DCLK1: variants seen among roughly 807,000 people sequenced by gnomAD.
DCLK1 encodes serine/threonine-protein kinase DCLK1.
DCLK1 carries 16 observed loss-of-function variants against 86.2 expected under a neutral mutation model. The observed-to-expected ratio is 0.19, with a 90% CI of 0.13 to 0.28. The LOEUF (loss-of-function observed/expected upper bound fraction) is 0.28, where lower values mean the gene tolerates loss of function less well. Ranked by LOEUF, DCLK1 falls within the 10% of genes least tolerant of loss-of-function variation. The pLI is 1.00. For synonymous variants in DCLK1, 369 were observed against 370.5 expected (o/e 1.00, Z 0.05); for missense variants, 590 against 940.2 (o/e 0.63, Z 4.87).
At chr13:35,783,822 G>A (rs1259725821) in intron 16 of DCLK1, among the ~76,000 whole-genome samples, 1 of 152,114 alleles carries the variant, frequency 6.6e-6, no homozygotes, top group African/African-American at 2.4e-5. Flanking sequence ...CTGACCTTAG[G>A]TGATCCACCC....
chr13:36,096,775 T>C (rs901645989), intron 3 of DCLK1, among the ~76,000 whole-genome samples: 3 of 152,070 alleles, frequency 2.0e-5, no homozygotes, highest in Non-Finnish European at 4.4e-5. Flanking sequence ...AAAGCAAATG[T>C]CACCAAATGG....
At chr13:36,072,640 T>G (rs1884020833) in intron 3 of DCLK1, among the ~76,000 whole-genome samples, 1 of 152,136 alleles carries the variant, frequency 6.6e-6, no homozygotes, top group South Asian at 2.1e-4. Context: ...ACCCCCAGCC[T>G]CTAGAAAATC....
intron 3 of DCLK1, among the ~76,000 whole-genome samples, chr13:36,111,627 T>C (rs1327638323): frequency 1.3e-5 from 2 of 152,196 alleles, no homozygotes; most frequent in East Asian, 3.8e-4. Flanking sequence ...AATGAACAAG[T>C]AGAAATCACT....
At chr13:36,078,330 T>C (rs1252687902) in intron 3 of DCLK1, among the ~76,000 whole-genome samples, 1 of 152,142 alleles carries the variant, frequency 6.6e-6, no homozygotes, top group Non-Finnish European at 1.5e-5. Context: ...ACTAAGACAA[T>C]AAGCATACCA....
At chr13:36,000,937 G>A (rs563360834) in intron 3 of DCLK1, among the ~76,000 whole-genome samples, 1 of 149,464 alleles carries the variant, frequency 6.7e-6, no homozygotes, top group East Asian at 2.0e-4. Flanking sequence ...TATAAAAGTT[G>A]TATGCATAAC....
intron 4 of DCLK1, among the ~76,000 whole-genome samples, chr13:35,945,932 A>G (rs913313347): frequency 3.9e-5 from 6 of 152,218 alleles, no homozygotes; most frequent in Non-Finnish European, 5.9e-5. Flanking sequence ...CACATGACAC[A>G]TCTATTTATA....
At chr13:35,962,028 T>C (rs1878488747) in intron 3 of DCLK1, among the ~76,000 whole-genome samples, 1 of 152,222 alleles carries the variant, frequency 6.6e-6, no homozygotes, top group African/African-American at 2.4e-5. Context: ...ATACTGCCCT[T>C]CAGTGTCCAA....
rs1258659804 is a variant in DCLK1, at chr13:35,769,395, T to A, written c.*5140A>T. The A allele has an allele frequency of 1.3e-5, 2 of 152,232 alleles. No individual in the cohort carries two copies. The highest frequency in any genetic ancestry group is 4.8e-5 in the African/African-American group (2 of 41,466). 9.4% of individuals were successfully genotyped at this position (152,232 alleles called of 1,614,324 possible). On this transcript the variant is annotated 3_prime_UTR_variant, in exon 17 of 17. Transcript: ENST00000360631. ...AGCAAAATACTGTTGAATTTCACAC[T>A]CAACTAATCCTTTAATAATTTTCTT...
At chr13:35,878,945 C>T (rs1446070790) in intron 4 of DCLK1, among the ~76,000 whole-genome samples, 1 of 152,052 alleles carries the variant, frequency 6.6e-6, no homozygotes, top group South Asian at 2.1e-4. Flanking sequence ...ACTGCCATGC[C>T]CAGCTGATTT....
At chr13:36,126,692 C>G (rs1277300653) in intron 1 of DCLK1, among the ~76,000 whole-genome samples, 1 of 152,154 alleles carries the variant, frequency 6.6e-6, no homozygotes, top group East Asian at 1.9e-4. Flanking sequence ...AAAATAAACA[C>G]AGGCTCCTCT....
chr13:36,110,282 A>T (rs1593899142), intron 3 of DCLK1, among the ~76,000 whole-genome samples: 1 of 152,156 alleles, frequency 6.6e-6, no homozygotes, highest in South Asian at 2.1e-4. Context: ...GCCAGCATGA[A>T]CTTTCTGGTC....
chr13:35,806,009 TC>T (rs1566542133), intron 14 of DCLK1, among the ~76,000 whole-genome samples: 2 of 152,124 alleles, frequency 1.3e-5, no homozygotes, highest in African/African-American at 4.8e-5. Flanking sequence ...TAAATTAATA[TC>T]AGAATCATTT....
Position 35,771,396 on chromosome 13 carries a change from G to A in DCLK1, c.*3139C>T, listed in dbSNP as rs1053229015. 2.6e-5 allele frequency: 4 copies of A among 152,008 alleles called. No individual in the cohort carries two copies. The highest frequency in any genetic ancestry group is 2.1e-4 in the South Asian group (1 of 4,808). The allele number at this position is 152,008 out of a possible 1,614,324, so 9.4% of individuals were successfully genotyped here. ...CTCTGCTTATTTTAATATGCACCAC[G>A]TGTAAGTTAGATGAGGGCTACGGTA... On this transcript the variant is annotated 3_prime_UTR_variant, in exon 17 of 17. Transcript: ENST00000360631.
At chr13:35,857,733 T>TG (rs1871149765) in intron 5 of DCLK1, among the ~76,000 whole-genome samples, 1 of 152,238 alleles carries the variant, frequency 6.6e-6, no homozygotes, top group African/African-American at 2.4e-5. Context: ...GCCTACGCCC[T>TG]TCACAGAGGG....
At chr13:35,990,303 T>G (rs1420173902) in intron 3 of DCLK1, among the ~76,000 whole-genome samples, 1 of 152,208 alleles carries the variant, frequency 6.6e-6, no homozygotes, top group Non-Finnish European at 1.5e-5. Flanking sequence ...CGGCTTCTAT[T>G]AATGCTAGAC....
Position 35,772,601 on chromosome 13 carries a change from A to G in DCLK1, c.*1934T>C, listed in dbSNP as rs1175891706. The G allele has an allele frequency of 2.0e-5, 3 of 150,550 alleles. No individual in the cohort carries two copies. The highest frequency in any genetic ancestry group is 7.3e-5 in the African/African-American group (3 of 40,904). 9.3% of individuals were successfully genotyped at this position (150,550 alleles called of 1,614,324 possible). ...TACCCCCACCTCCCCCCCAAAAACA[A>G]CTCAACTAATTTACTGATTTATGCT... On this transcript the variant is annotated 3_prime_UTR_variant, in exon 17 of 17. Coordinates refer to ENST00000360631, the MANE Select transcript of DCLK1 (RefSeq NM_001330071.2).
intron 4 of DCLK1, among the ~76,000 whole-genome samples, chr13:35,933,519 G>A (rs773307885): frequency 1.3e-5 from 2 of 152,296 alleles, no homozygotes; most frequent in Admixed American, 6.5e-5. Flanking sequence ...CTGACATCTC[G>A]GCAGAAGTTC....
chr13:36,094,615 C>G (rs1884939202), intron 3 of DCLK1, among the ~76,000 whole-genome samples: 1 of 152,148 alleles, frequency 6.6e-6, no homozygotes, highest in South Asian at 2.1e-4. Flanking sequence ...ACTTTACTTA[C>G]AGTTTTTAAA....
chr13:35,867,147 G>A (rs991512502), intron 5 of DCLK1, among the ~76,000 whole-genome samples: 2 of 152,222 alleles, frequency 1.3e-5, no homozygotes, highest in African/African-American at 2.4e-5. Context: ...CCAAAGGAAA[G>A]TGGTAACAAG....
Sources: allele counts gnomAD v4.1 joint callset (sites outside exome capture counted in the v4.1 genomes callset), GRCh38; gene constraint gnomAD v4.1.1; transcripts MANE v1.5; gene names NCBI Gene and HGNC (gene_info 2026-07-23, HGNC 2026-07-21).